Variants in ZNF892 observed in about 807,000 individuals in gnomAD.
ZNF892 encodes the protein zinc finger protein 892, also known as zinc finger protein 570-like.
chr2:95,246,950 G>T, the ZNF892 span, among the ~76,000 whole-genome samples: 1 of 152,100 alleles, frequency 6.6e-6, no homozygotes, highest in African/African-American at 2.4e-5. Context: ...TTTATAGATT[G>T]AATGGCATTC....
the ZNF892 span, among the ~76,000 whole-genome samples, chr2:95,238,921 C>A: frequency 6.6e-6 from 1 of 151,986 alleles, no homozygotes; most frequent in Non-Finnish European, 1.5e-5. Context: ...GGTGGATCAC[C>A]TGAGCTCAGG....
chr2:95,219,991 T>C, the ZNF892 span, among the ~76,000 whole-genome samples: 4 of 152,208 alleles, frequency 2.6e-5, no homozygotes, highest in African/African-American at 4.8e-5. Context: ...CTATTGGGAA[T>C]TGGTATAAGT....
At chr2:95,229,145 G>A in the ZNF892 span, among the ~76,000 whole-genome samples, 1 of 152,068 alleles carries the variant, frequency 6.6e-6, no homozygotes, top group South Asian at 2.1e-4. Context: ...GGCATGTGTC[G>A]TCAAGACTTC....
the ZNF892 span, among the ~76,000 whole-genome samples, chr2:95,233,107 T>TGAG: frequency 6.6e-6 from 1 of 152,222 alleles, no homozygotes; most frequent in East Asian, 1.9e-4. Context: ...GAAGCACACC[T>TGAG]TTGTCCAGAG....
the ZNF892 span, chr2:95,214,312 CAT>C: frequency 2.3e-5 from 9 of 398,270 alleles, no homozygotes; most frequent in Non-Finnish European, 3.5e-5. Flanking sequence ...AAATGATACA[CAT>C]GTGTGTTTTT....
At chr2:95,226,501 C>T in the ZNF892 span, among the ~76,000 whole-genome samples, 2 of 152,260 alleles carry the variant, frequency 1.3e-5, no homozygotes, top group South Asian at 2.1e-4. Context: ...TTTGGTTCGA[C>T]TTAGCTTCTT....
the ZNF892 span, among the ~76,000 whole-genome samples, chr2:95,216,171 C>G: frequency 6.6e-5 from 10 of 152,168 alleles, no homozygotes; most frequent in Non-Finnish European, 1.5e-4. Flanking sequence ...TGAATATTCA[C>G]AACCATGAGA....
chr2:95,219,060 G>T, the ZNF892 span, among the ~76,000 whole-genome samples: 1 of 152,004 alleles, frequency 6.6e-6, no homozygotes, highest in Admixed American at 6.5e-5. Flanking sequence ...GTGCAGTGGC[G>T]CGATTTCAGC....
At chr2:95,218,661 G>T in the ZNF892 span, among the ~76,000 whole-genome samples, 1 of 152,150 alleles carries the variant, frequency 6.6e-6, no homozygotes, top group Admixed American at 6.5e-5. Context: ...TGCTTGGTCT[G>T]CCATAACAAA....
chr2:95,253,691 C>A, the ZNF892 span, among the ~76,000 whole-genome samples: 1 of 152,266 alleles, frequency 6.6e-6, no homozygotes, highest in East Asian at 1.9e-4. Context: ...GGCATTTTCA[C>A]AATATTGATT....
chr2:95,221,296 G>A, the ZNF892 span, among the ~76,000 whole-genome samples: 2 of 152,196 alleles, frequency 1.3e-5, no homozygotes, highest in Admixed American at 6.5e-5. Context: ...AATGGAATGA[G>A]GCTTTTTATC....
the ZNF892 span, among the ~76,000 whole-genome samples, chr2:95,240,912 C>G: frequency 6.6e-6 from 1 of 152,172 alleles, no homozygotes; most frequent in African/African-American, 2.4e-5. Flanking sequence ...TTAAGCAGCA[C>G]CTTGATCCAT....
chr2:95,231,022 T>C, the ZNF892 span, among the ~76,000 whole-genome samples: 1 of 152,230 alleles, frequency 6.6e-6, no homozygotes. Flanking sequence ...ACTACCACTT[T>C]GGAAAATGGT....
chr2:95,208,570 A>G, the ZNF892 span: 3 of 398,204 alleles, frequency 7.5e-6, no homozygotes, highest in East Asian at 3.6e-5. Context: ...TTAGATGACA[A>G]CTAGCTGGTG....
At chr2:95,221,658 A>T in the ZNF892 span, among the ~76,000 whole-genome samples, 2 of 152,142 alleles carry the variant, frequency 1.3e-5, no homozygotes, top group Non-Finnish European at 2.9e-5. Context: ...ATTTTCAAGT[A>T]CTTGTTCTAT....
At chr2:95,239,557 G>A in the ZNF892 span, among the ~76,000 whole-genome samples, 2 of 151,944 alleles carry the variant, frequency 1.3e-5, no homozygotes, top group African/African-American at 4.8e-5. Context: ...TTAGTCAGCA[G>A]CCATCATCAT....
chr2:95,243,817 C>T, the ZNF892 span, among the ~76,000 whole-genome samples: 4 of 152,172 alleles, frequency 2.6e-5, no homozygotes, highest in South Asian at 2.1e-4. Flanking sequence ...CCCCTCTGCC[C>T]GGCCACCACC....
the ZNF892 span, among the ~76,000 whole-genome samples, chr2:95,262,437 A>ATGACC: frequency 6.6e-6 from 1 of 152,122 alleles, no homozygotes; most frequent in African/African-American, 2.4e-5. Context: ...ACCTGTAGCT[A>ATGACC]TGTGTGGCCT....
chr2:95,219,965 G>A, the ZNF892 span, among the ~76,000 whole-genome samples: 1 of 152,196 alleles, frequency 6.6e-6, no homozygotes, highest in Non-Finnish European at 1.5e-5. Context: ...CTGTGGGGTT[G>A]AGGGTAACAT....
Sources: allele counts gnomAD v4.1 joint callset (sites outside exome capture counted in the v4.1 genomes callset), GRCh38; gene constraint gnomAD v4.1.1; transcripts MANE v1.5; gene names NCBI Gene and HGNC (gene_info 2026-07-23, HGNC 2026-07-21).